The following C8A variants were observed in gnomAD, a reference collection of about 807,000 sequenced individuals.
C8A encodes complement component C8 alpha chain.
A neutral mutation model predicts 65.3 loss-of-function variants in C8A; 67 were observed. The ratio of observed to expected loss-of-function variants is 1.03; its 90% confidence interval spans 0.84 to 1.26. The LOEUF (loss-of-function observed/expected upper bound fraction) is 1.26. Among genes scored for constraint, C8A ranks in the 50% most tolerant of loss-of-function variants. The pLI, the probability that C8A is intolerant of heterozygous loss-of-function variation, is 0.00. For missense variants in C8A, 781 were observed against 723.9 expected (o/e 1.08, Z -0.90); for synonymous variants, 290 against 259.4 (o/e 1.12, Z -1.13).
At chr1:56,869,332 C>T (rs1042167792) in intron 2 of C8A, among the ~76,000 whole-genome samples, 1 of 152,156 alleles carries the variant, frequency 6.6e-6, no homozygotes, top group Non-Finnish European at 1.5e-5. Context: ...ATCCAAGTTG[C>T]TGCAAAGACC....
rs1644266182 is a variant in C8A at position 56,883,651 on chromosome 1, C to T, written c.825C>T (p.Phe275=). 1.2e-6 allele frequency: 2 copies of T among 1,613,800 alleles called. No homozygotes were observed. Among genetic ancestry groups the T allele is most frequent in the Non-Finnish European group, 1.7e-6 (2 of 1,179,866 alleles). Residue 275 remains phenylalanine, a synonymous_variant, in exon 6 of 11, where the codon TTC becomes TTT. Coordinates refer to ENST00000361249, the MANE Select transcript of C8A (RefSeq NM_000562.3). Reference sequence around the variant, plus strand: ...TATCCCACTCACAAGACACTTCATTCTTGAACGAATTAAACAAGTATAATG... The same window carrying T: ...TATCCCACTCACAAGACACTTCATTTTTGAACGAATTAAACAAGTATAATG... ...VGVSHSQDTS[F]LNELNKYNEK...
chr1:56,876,190 T>C lies in C8A; in HGVS notation c.445T>C (p.Ser149Pro), dbSNP rs764626828. The change falls in exon 4 of 11, where the codon TCA (serine) becomes CCA (proline). Residue 149 changes from serine to proline, a missense_variant. Coordinates refer to ENST00000361249, the MANE Select transcript of C8A (RefSeq NM_000562.3). The stretch of plus-strand genomic sequence containing the variant: ...CAGCCAGTATGAACCAATTCCAGGA[T>C]CACAGAAGGCAGCCTTGGGGTGAGG... Reference protein sequence around the residue: ...DCSQYEPIPGSQKAALGYNIL... With the variant: ...DCSQYEPIPGPQKAALGYNIL... 119 of 1,613,730 alleles carry C rather than the reference T, an allele frequency of 7.4e-5. 3 individuals are homozygous for C. In the South Asian group the frequency reaches 1.1e-3, roughly 15 times the overall value.
chr1:56,867,630 A>G lies in C8A; in HGVS notation c.99A>G (p.Thr33=), dbSNP rs761490374. The G allele has an allele frequency of 6.2e-7, 1 of 1,613,734 alleles. No homozygotes were observed. Among genetic ancestry groups the G allele is most frequent in the Admixed American group, 1.7e-5 (1 of 59,970 alleles). Reference sequence around the variant, plus strand: ...TTAGGAGAGTAAGACGGGCAGCTACACCCGCAGCAGTTACCTGCCAGCTGA... The same window carrying G: ...TTAGGAGAGTAAGACGGGCAGCTACGCCCGCAGCAGTTACCTGCCAGCTGA... ...KVNQRVRRAA[T]PAAVTCQLSN... The change falls in exon 2 of 11, where the codon ACA becomes ACG. Residue 33 remains threonine (T), a synonymous_variant. Transcript: ENST00000361249.
chr1:56,891,898 T>G (rs1011338268), intron 7 of C8A, among the ~76,000 whole-genome samples: 3 of 152,126 alleles, frequency 2.0e-5, no homozygotes, highest in Non-Finnish European at 2.9e-5. Context: ...TAATTGCAAT[T>G]ATATATTTGT....
chr1:56,904,841 C>T (rs1368690882), intron 7 of C8A, among the ~76,000 whole-genome samples: 3 of 152,130 alleles, frequency 2.0e-5, no homozygotes, highest in Non-Finnish European at 4.4e-5. Flanking sequence ...TCATGCTTCT[C>T]AAGTCAGACT....
intron 1 of C8A, among the ~76,000 whole-genome samples, chr1:56,866,120 T>C (rs1414893110): frequency 2.0e-5 from 3 of 152,162 alleles, no homozygotes; most frequent in Non-Finnish European, 4.4e-5. Context: ...GTTAAAACAC[T>C]CCTCCCCGTT....
rs115290796 is a variant in C8A at position 56,856,557 on chromosome 1, T to C, written c.77+1579T>C. On this transcript the variant is annotated intron_variant, in intron 1 of 10. Transcript: ENST00000361249. ...TTCTGATCAGTCAGAGATTTTAAAC[T>C]TTATTTTTAAGTAATAGCACTCTTT... Among the ~76,000 whole-genome samples, 1,331 of 152,254 alleles carry C rather than the reference T, an allele frequency of 8.7e-3. 51 individuals are homozygous for C. In the South Asian group the frequency reaches 0.12, roughly 13 times the overall value.
At chr1:56,858,119 C>T (rs940383208) in intron 1 of C8A, among the ~76,000 whole-genome samples, 2 of 152,098 alleles carry the variant, frequency 1.3e-5, no homozygotes, top group South Asian at 4.1e-4. Context: ...TTCTCATTAT[C>T]CTCTTAATTC....
rs1311220681 is a variant in C8A at position 56,886,037 on chromosome 1, A to G, written c.966A>G (p.Pro322=). ...TGCTGCAGTCATTAATGGAGCTTCCAGATCAGTACAATTATGGCATGTATG... is the reference window on the plus strand; with the variant it reads ...TGCTGCAGTCATTAATGGAGCTTCCGGATCAGTACAATTATGGCATGTATG... ...EGMLQSLMEL[P]DQYNYGMYAK... The change falls in exon 7 of 11, where the codon CCA becomes CCG. Residue 322 remains proline (P), a synonymous_variant. Coordinates refer to ENST00000361249, the MANE Select transcript of C8A (RefSeq NM_000562.3). 1 of 1,614,088 alleles carries G rather than the reference A, an allele frequency of 6.2e-7. No individual in the cohort carries two copies. Among genetic ancestry groups the G allele is most frequent in the Non-Finnish European group, 8.5e-7 (1 of 1,179,962 alleles).
Position 56,885,423 on chromosome 1 carries a change from T to TA in C8A, c.856-504_856-503insA, listed in dbSNP as rs1234386602. On this transcript the variant is annotated intron_variant, in intron 6 of 10. Transcript: ENST00000361249. The stretch of plus-strand genomic sequence containing the variant: ...AAATATATATTTATTTAAATATATA[T>TA]TTAAATATATATTTAAGTAAATATA... Among the ~76,000 whole-genome samples the TA allele has an allele frequency of 3.9e-4, 45 of 115,774 alleles. 1 individual carries two copies. The highest frequency in any genetic ancestry group is 1.4e-3 in the South Asian group (5 of 3,546). The allele number at this position is 115,774 out of a possible 152,430, so 76.0% of individuals were successfully genotyped here.
chr1:56,885,326 TTAAATATA>T (rs1557705484), intron 6 of C8A, among the ~76,000 whole-genome samples: 7 of 132,734 alleles, frequency 5.3e-5, no homozygotes, highest in East Asian at 2.1e-4. Flanking sequence ...ATATATTTAT[TTAAATATA>T]TATTTACATA....
chr1:56,861,664 A>G (rs1644034553), intron 1 of C8A, among the ~76,000 whole-genome samples: 1 of 152,236 alleles, frequency 6.6e-6, no homozygotes, highest in African/African-American at 2.4e-5. Flanking sequence ...AAACAAAACT[A>G]GACAATTTTC....
intron 5 of C8A, 65 bp downstream of exon 5, chr1:56,881,699 T>A (rs1322091763): frequency 1.4e-6 from 2 of 1,444,886 alleles, no homozygotes; most frequent in African/African-American, 2.8e-5. Context: ...AGAGGCCTAT[T>A]TGTGGAGATG....
chr1:56,870,534 T>A (rs1442132097), intron 2 of C8A, among the ~76,000 whole-genome samples: 3 of 152,078 alleles, frequency 2.0e-5, no homozygotes, highest in African/African-American at 7.2e-5. Context: ...ATCCAGACAA[T>A]CCAGGGTAAT....
chr1:56,891,425 A>G (rs1368712947), intron 7 of C8A, among the ~76,000 whole-genome samples: 2 of 152,106 alleles, frequency 1.3e-5, no homozygotes, highest in Non-Finnish European at 2.9e-5. Context: ...TGGCAGAGAA[A>G]CCACTGCAGG....
At chr1:56,869,146 G>A (rs546427314) in intron 2 of C8A, among the ~76,000 whole-genome samples, 2 of 152,212 alleles carry the variant, frequency 1.3e-5, no homozygotes, top group East Asian at 3.9e-4. Context: ...TGTACCCAAT[G>A]TGTAGTCTTT....
chr1:56,883,691 C>T lies in C8A; in HGVS notation c.855+10C>T. 1 of 1,606,520 alleles carries T rather than the reference C, an allele frequency of 6.2e-7. No homozygotes were observed. Among genetic ancestry groups the T allele is most frequent in the South Asian group, 1.1e-5 (1 of 90,988 alleles). On this transcript the variant is annotated intron_variant, in intron 6 of 10. Transcript: ENST00000361249. ...CAAGTATAATGAGAAGGTATTCAAA[C>T]ATAATGTCTGTGTCTCACAGTATTC...
At position 56,883,696 on chromosome 1, in the gene C8A, T is replaced by A. The variant is rs1227429180; in HGVS notation, c.855+15T>A. On this transcript the variant is annotated intron_variant, in intron 6 of 10. Transcript: ENST00000361249. Reference sequence around the variant, plus strand: ...ATAATGAGAAGGTATTCAAACATAATGTCTGTGTCTCACAGTATTCCATAA... The same window carrying A: ...ATAATGAGAAGGTATTCAAACATAAAGTCTGTGTCTCACAGTATTCCATAA... The A allele has an allele frequency of 6.2e-7, 1 of 1,600,858 alleles. No homozygotes were observed. The highest frequency in any genetic ancestry group is 1.3e-5 in the African/African-American group (1 of 74,690).
In C8A at chr1:56,867,634, G is replaced by C; in HGVS notation, c.103G>C (p.Ala35Pro). The change falls in exon 2 of 11, where the codon GCA becomes CCA. Residue 35 changes from alanine to proline, a missense_variant. Transcript: ENST00000361249. ...GAGAGTAAGACGGGCAGCTACACCCGCAGCAGTTACCTGCCAGCTGAGCAA... is the reference window on the plus strand; with the variant it reads ...GAGAGTAAGACGGGCAGCTACACCCCCAGCAGTTACCTGCCAGCTGAGCAA... ...NQRVRRAATP[A>P]AVTCQLSNWS... 1 of 1,613,656 alleles carries C rather than the reference G, an allele frequency of 6.2e-7. No homozygotes were observed. The highest frequency in any genetic ancestry group is 1.1e-5 in the South Asian group (1 of 91,054).
Sources: allele counts gnomAD v4.1 joint callset (sites outside exome capture counted in the v4.1 genomes callset), GRCh38; gene constraint gnomAD v4.1.1; transcripts MANE v1.5; gene names NCBI Gene and HGNC (gene_info 2026-07-23, HGNC 2026-07-21).